The following FUT8 variants were observed in gnomAD, a reference collection of about 807,000 sequenced individuals.
FUT8 encodes the protein alpha-(1,6)-fucosyltransferase.
Under a neutral mutation model 71.3 loss-of-function variants are expected in FUT8, and 29 were observed. The observed-to-expected ratio is 0.41, with a 90% CI of 0.30 to 0.55. The LOEUF is 0.55. FUT8 is among the 20% of genes least tolerant of loss of function. FUT8 has a pLI of 0.34. For missense variants in FUT8, 544 were observed against 702.1 expected, an observed-to-expected ratio of 0.77 and a Z score of 2.55; for synonymous variants, 254 against 239.3, an observed-to-expected ratio of 1.06 and a Z score of -0.57.
At chr14:65,668,385 ACTTTTCAAAAGACAGACT>A (rs1299742551) in intron 6 of FUT8, among the ~76,000 whole-genome samples, 5 of 152,122 alleles carry the variant, frequency 3.3e-5, no homozygotes, top group African/African-American at 1.2e-4. Flanking sequence ...AAAGGCAAAC[ACTTTTCAAAAGACAGACT>A]CTTTTCAAAA....
At chr14:65,369,750 A>G in the FUT8 span, among the ~76,000 whole-genome samples, 3 of 152,234 alleles carry the variant, frequency 2.0e-5, no homozygotes, top group Non-Finnish European at 4.4e-5. This position sits in a 1 kb window ranked among gnomAD's most constrained non-coding sequence, Gnocchi z 4.6. Context: ...CCTTAGTTCC[A>G]GGAAGTGCCC....
At chr14:65,436,078 G>A (rs985508176) in intron 1 of FUT8, among the ~76,000 whole-genome samples, 1 of 151,896 alleles carries the variant, frequency 6.6e-6, no homozygotes, top group African/African-American at 2.4e-5. Flanking sequence ...CCACAGGTGT[G>A]TGCCACCATG....
intron 3 of FUT8, among the ~76,000 whole-genome samples, chr14:65,577,146 G>T (rs1383628682): frequency 1.3e-5 from 2 of 152,076 alleles, no homozygotes; most frequent in East Asian, 3.9e-4. Context: ...CATTGCGCCT[G>T]GTCTTACTAT....
At chr14:65,390,814 T>C in the FUT8 span, among the ~76,000 whole-genome samples, 1 of 151,266 alleles carries the variant, frequency 6.6e-6, no homozygotes, top group African/African-American at 2.4e-5. Context: ...ACCTCCGCCT[T>C]CTGGGTTCAA....
At chr14:65,507,025 G>A (rs2066746840) in intron 2 of FUT8, among the ~76,000 whole-genome samples, 1 of 152,200 alleles carries the variant, frequency 6.6e-6, no homozygotes, top group African/African-American at 2.4e-5. Context: ...ATCAGCAAGT[G>A]AGACTTGCAT....
In FUT8 at chr14:65,702,745, G is replaced by GTT. The variant is rs201599941; in HGVS notation, c.836-19018_836-19017dup. The stretch of plus-strand genomic sequence containing the variant: ...GTTACATAGGGTAGAAATTTTTGTG[G>GTT]TTTTTTTTTTTTTAAACAGAGTTTT... On this transcript the variant is annotated intron_variant, in intron 7 of 10. Coordinates refer to ENST00000673929, the MANE Select transcript of FUT8 (RefSeq NM_001371533.1). 4.1e-5 allele frequency among the ~76,000 whole-genome samples: 6 copies of GTT among 145,212 alleles called. No individual in the cohort carries two copies. In the East Asian group the frequency reaches 6.0e-4, roughly 15 times the overall value.
chr14:65,678,744 G>GT lies in FUT8; in HGVS notation c.835+9270dup, dbSNP rs373882626. On this transcript the variant is annotated intron_variant, in intron 7 of 10. Transcript: ENST00000673929. ...TAAATTTTACCTAAAAGTAGAAAGG[G>GT]TTTTTTCATTTAAAAGTCTTTTTTT... 1.2e-4 allele frequency among the ~76,000 whole-genome samples: 19 copies of GT among 152,218 alleles called. 3 individuals carry two copies. Among genetic ancestry groups the GT allele is most frequent in the African/African-American group, 4.3e-4 (18 of 41,542 alleles).
At position 65,740,051 on chromosome 14, in the gene FUT8, C is replaced by T. The variant is rs536357120; in HGVS notation, c.1411-2042C>T. On this transcript the variant is annotated intron_variant, in intron 10 of 10. Coordinates refer to ENST00000673929, the MANE Select transcript of FUT8 (RefSeq NM_001371533.1). ...TTTAGTTTCTTCTTTTCCTGAGTCCCACTTAATTTTGCTTGCCTTCTATGA... is the reference window on the plus strand; with the variant it reads ...TTTAGTTTCTTCTTTTCCTGAGTCCTACTTAATTTTGCTTGCCTTCTATGA... Among the ~76,000 whole-genome samples, 33 of 152,098 alleles carry T rather than the reference C, an allele frequency of 2.2e-4. No homozygotes were observed. The South Asian group carries it at 6.4e-3, about 30-fold the overall frequency.
intron 6 of FUT8, among the ~76,000 whole-genome samples, chr14:65,655,114 C>T (rs369304371): frequency 5.3e-5 from 8 of 151,250 alleles, no homozygotes; most frequent in East Asian, 1.9e-4. Flanking sequence ...TCACATATAA[C>T]GATATAGGTA....
intron 2 of FUT8, among the ~76,000 whole-genome samples, chr14:65,528,163 C>G (rs948032957): frequency 1.3e-5 from 2 of 152,242 alleles, no homozygotes; most frequent in Non-Finnish European, 2.9e-5. Flanking sequence ...TCTGCAGAGG[C>G]AGGCAGGCCT....
At chr14:65,735,134 T>C (rs1022021172) in intron 10 of FUT8, among the ~76,000 whole-genome samples, 1 of 152,162 alleles carries the variant, frequency 6.6e-6, no homozygotes, top group Non-Finnish European at 1.5e-5. Flanking sequence ...AGGGTTGTAC[T>C]CATGTTTTGC....
chr14:65,508,323 A>G (rs542220451), intron 2 of FUT8, among the ~76,000 whole-genome samples: 12 of 150,770 alleles, frequency 8.0e-5, no homozygotes, highest in African/African-American at 1.7e-4. Context: ...GCCTGCCTCA[A>G]CCTCCCAAAG....
chr14:65,392,586 G>T, the FUT8 span, among the ~76,000 whole-genome samples: 6 of 152,144 alleles, frequency 3.9e-5, no homozygotes, highest in Non-Finnish European at 7.3e-5. Context: ...GCCAATGAAA[G>T]AATACGAAGA....
chr14:65,681,627 A>G (rs1893039522), intron 7 of FUT8, among the ~76,000 whole-genome samples: 1 of 152,178 alleles, frequency 6.6e-6, no homozygotes, highest in African/African-American at 2.4e-5. Flanking sequence ...TCTTTATAAA[A>G]TCTCAGTTGT....
intron 2 of FUT8, among the ~76,000 whole-genome samples, chr14:65,548,712 G>C (rs932851121): frequency 1.3e-5 from 2 of 151,930 alleles, no homozygotes; most frequent in Non-Finnish European, 2.9e-5. Flanking sequence ...TAAAAGAAAA[G>C]AAGTCAGTAT....
At chr14:65,490,161 TG>T (rs1330405200) in intron 2 of FUT8, among the ~76,000 whole-genome samples, 2 of 152,058 alleles carry the variant, frequency 1.3e-5, no homozygotes, top group African/African-American at 2.4e-5. Context: ...TGTAAGAGGC[TG>T]TTTACTCTCC....
intron 6 of FUT8, 75 bp downstream of exon 6, chr14:65,629,681 AGTT>A: frequency 1.0e-6 from 1 of 992,454 alleles, no homozygotes; most frequent in South Asian, 1.4e-5. Flanking sequence ...TAATAATTTC[AGTT>A]GTTTTTAGTC....
chr14:65,416,336 A>G (rs1189683795), intron 1 of FUT8, among the ~76,000 whole-genome samples: 2 of 151,882 alleles, frequency 1.3e-5, no homozygotes, highest in East Asian at 1.9e-4. Context: ...TTTCCCCCAA[A>G]GAGATGTGAT....
the FUT8 span, among the ~76,000 whole-genome samples, chr14:65,377,484 T>G: frequency 6.6e-6 from 1 of 152,198 alleles, no homozygotes; most frequent in South Asian, 2.1e-4. Context: ...AAAATCAGGT[T>G]TATGTAATAA....
Sources: gnomAD v4.1 joint callset for allele counts (sites outside exome capture counted in the v4.1 genomes callset) on GRCh38, gnomAD v4.1.1 for gene constraint, Gnocchi (gnomAD v3.1) non-coding constraint, MANE v1.5 for transcripts, NCBI Gene and HGNC (gene_info 2026-07-23, HGNC 2026-07-21) for gene names.